NDUFB9: variants seen among roughly 807,000 people sequenced by gnomAD.
NDUFB9 encodes NADH:ubiquinone oxidoreductase subunit B9.
NDUFB9 carries 24 observed loss-of-function variants against 30.2 expected under a neutral mutation model. The observed-to-expected ratio is 0.80, with a 90% confidence interval of 0.58 to 1.12. The LOEUF (loss-of-function observed/expected upper bound fraction) is 1.12. Ranked by LOEUF, NDUFB9 falls within the 50% of genes most tolerant of loss-of-function variation. The probability of loss-of-function intolerance (pLI) is 0.00; values close to 1 mark genes in which losing one functional copy is unlikely to be tolerated. For synonymous variants in NDUFB9, 80 were observed against 84.0 expected, an observed-to-expected ratio of 0.95 and a Z score of 0.26; for missense variants, 204 against 226.0, an observed-to-expected ratio of 0.90 and a Z score of 0.62.
At position 124,539,195 on chromosome 8, in the gene NDUFB9, C is replaced by T. The variant is rs765755463; in HGVS notation, c.9C>T (p.Phe3=). ...GGAAGGTCAGCGCCGTAATGGCGTT[C>T]TTGGCGTCGGGACCCTACCTGACCC... MA[F]LASGPYLTHQ... The change falls in exon 1 of 4, where the codon TTC becomes TTT. Residue 3 remains phenylalanine, a synonymous_variant. Coordinates refer to ENST00000276689, the MANE Select transcript of NDUFB9 (RefSeq NM_005005.3). 14 of 1,614,108 alleles carry T rather than the reference C, an allele frequency of 8.7e-6. No homozygotes were observed. The highest frequency in any genetic ancestry group is 3.3e-5 in the Admixed American group (2 of 60,008).
chr8:124,549,964 A>G lies in NDUFB9; in HGVS notation c.*72A>G. 10 of 1,608,840 alleles carry G rather than the reference A, an allele frequency of 6.2e-6. No individual in the cohort carries two copies. The highest frequency in any genetic ancestry group is 8.5e-6 in the Non-Finnish European group (10 of 1,177,512). On this transcript the variant is annotated 3_prime_UTR_variant, in exon 4 of 4. Coordinates refer to ENST00000276689, the MANE Select transcript of NDUFB9 (RefSeq NM_005005.3). ...AGAACATGCACTTGCCCTAATAAAA[A>G]ATCAGTGAAATGGTCTCTGGTATGA...
intron 3 of NDUFB9, 193 bp downstream of exon 3, chr8:124,547,306 G>A: frequency 1.5e-6 from 1 of 665,098 alleles, no homozygotes; most frequent in Non-Finnish European, 2.7e-6. Context: ...GCATTCCCTG[G>A]TCGTTTTGGC....
At position 124,539,258 on chromosome 8, in the gene NDUFB9, A is replaced by G. The variant is rs765663770; in HGVS notation, c.72A>G (p.Leu24=). Residue 24 remains leucine (L), a synonymous_variant, in exon 1 of 4, where the codon CTA becomes CTG. Coordinates refer to ENST00000276689, the MANE Select transcript of NDUFB9 (RefSeq NM_005005.3). ...TGTTGCGGCTTTATAAGCGGGCGCT[A>G]CGCCACCTCGAGTCGTGGTGCGTCC... ...QKVLRLYKRA[L]RHLESWCVQR... The G allele has an allele frequency of 6.2e-7, 1 of 1,614,168 alleles. No homozygotes were observed. Among genetic ancestry groups the G allele is most frequent in the Non-Finnish European group, 8.5e-7 (1 of 1,180,032 alleles).
At chr8:124,544,372 AAG>A (rs1171784605) in intron 2 of NDUFB9, among the ~76,000 whole-genome samples, 8 of 152,260 alleles carry the variant, frequency 5.3e-5, no homozygotes, top group African/African-American at 1.9e-4. Context: ...AAATCTGGCT[AAG>A]ATAGTTGATG....
At chr8:124,540,196 T>C (rs1563704588) in intron 1 of NDUFB9, among the ~76,000 whole-genome samples, 1 of 152,230 alleles carries the variant, frequency 6.6e-6, no homozygotes, top group African/African-American at 2.4e-5. Flanking sequence ...ACTGACATAC[T>C]TCTCTTGATT....
intron 3 of NDUFB9, among the ~76,000 whole-genome samples, chr8:124,549,051 C>T (rs933440966): frequency 1.3e-5 from 2 of 152,178 alleles, no homozygotes; most frequent in East Asian, 1.9e-4. Context: ...CATGGTGAGC[C>T]GCAGGTGCAT....
intron 3 of NDUFB9, among the ~76,000 whole-genome samples, chr8:124,548,083 A>G (rs1822209924): frequency 6.6e-6 from 1 of 152,204 alleles, no homozygotes; most frequent in Non-Finnish European, 1.5e-5. Flanking sequence ...GGAAGGGGGC[A>G]CAGGTGTCAG....
rs956346428 is a variant in NDUFB9 at position 124,545,347 on chromosome 8, G to A, written c.295-1653G>A. ...ATGCTATAGAAGTGTTTGGTGTAAGGAAGAGTCAGTTGATGTCGCAAACCT... is the reference window on the plus strand; with the variant it reads ...ATGCTATAGAAGTGTTTGGTGTAAGAAAGAGTCAGTTGATGTCGCAAACCT... On this transcript the variant is annotated intron_variant, in intron 2 of 3. Transcript: ENST00000276689. 3.3e-5 allele frequency among the ~76,000 whole-genome samples: 5 copies of A among 152,142 alleles called. 1 individual carries two copies. Among genetic ancestry groups the A allele is most frequent in the Admixed American group, 1.3e-4 (2 of 15,278 alleles).
At chr8:124,548,587 A>G (rs773504935) in intron 3 of NDUFB9, among the ~76,000 whole-genome samples, 58 of 152,190 alleles carry the variant, frequency 3.8e-4, no homozygotes, top group Non-Finnish European at 7.6e-4. Flanking sequence ...ATTTGCTCCC[A>G]TATCTTTTTT....
At chr8:124,549,647 T>C in intron 3 of NDUFB9, 114 bp from the exon 4 acceptor site, 1 of 944,414 alleles carries the variant, frequency 1.1e-6, no homozygotes, top group Non-Finnish European at 1.7e-6. Flanking sequence ...GATCAGATAG[T>C]GTGTAATGTC....
At chr8:124,541,885 A>G (rs1822006095) in intron 1 of NDUFB9, among the ~76,000 whole-genome samples, 1 of 150,578 alleles carries the variant, frequency 6.6e-6, no homozygotes, top group Non-Finnish European at 1.5e-5. Context: ...TACAGGCGTG[A>G]GCCACCGTGC....
chr8:124,548,424 G>A (rs1235558323), intron 3 of NDUFB9, among the ~76,000 whole-genome samples: 1 of 152,180 alleles, frequency 6.6e-6, no homozygotes, highest in Non-Finnish European at 1.5e-5. Flanking sequence ...GAAATAAGAG[G>A]AAAAGCCCAG....
In NDUFB9 at chr8:124,543,117, G is replaced by T; in HGVS notation, c.132G>T (p.Met44Ile). Residue 44 changes from methionine (M) to isoleucine (I), a missense_variant, in exon 2 of 4, where the codon ATG becomes ATT. Met to Ile is a conservative substitution (Grantham distance 10, BLOSUM62 1). Coordinates refer to ENST00000276689, the MANE Select transcript of NDUFB9 (RefSeq NM_005005.3). Reference sequence around the variant, plus strand: ...AATACCGATACTTTGCTTGTTTGATGAGAGCCCGGTTTGAAGAACATAAGA... The same window carrying T: ...AATACCGATACTTTGCTTGTTTGATTAGAGCCCGGTTTGAAGAACATAAGA... ...RDKYRYFACL[M>I]RARFEEHKNE... 1.2e-6 allele frequency: 2 copies of T among 1,614,194 alleles called. No homozygotes were observed. Among genetic ancestry groups the T allele is most frequent in the Non-Finnish European group, 1.7e-6 (2 of 1,180,044 alleles).
Position 124,539,220 on chromosome 8 carries a change from C to A in NDUFB9, c.34C>A (p.His12Asn). The stretch of plus-strand genomic sequence containing the variant: ...CTTGGCGTCGGGACCCTACCTGACC[C>A]ATCAGCAAAAGGTGTTGCGGCTTTA... ...AFLASGPYLT[H>N]QQKVLRLYKR... The change falls in exon 1 of 4, where the codon CAT becomes AAT. Residue 12 changes from histidine to asparagine, a missense_variant. Transcript: ENST00000276689. 4 of 1,614,224 alleles carry A rather than the reference C, an allele frequency of 2.5e-6. No homozygotes were observed. The highest frequency in any genetic ancestry group is 3.4e-6 in the Non-Finnish European group (4 of 1,180,030).
chr8:124,541,446 A>C lies in NDUFB9; in HGVS notation c.102-1641A>C, dbSNP rs528620991. ...ACTGGTTTTTATAAATTCTCTTTCC[A>C]GTATGATATTAGTAACTGACATTAT... On this transcript the variant is annotated intron_variant, in intron 1 of 3. Transcript: ENST00000276689. 5.3e-5 allele frequency among the ~76,000 whole-genome samples: 8 copies of C among 152,300 alleles called. No homozygotes were observed. The South Asian group carries it at 1.7e-3, about 32-fold the overall frequency.
chr8:124,549,952 G>A lies in NDUFB9; in HGVS notation c.*60G>A. The A allele has an allele frequency of 6.2e-7, 1 of 1,611,906 alleles. No homozygotes were observed. Among genetic ancestry groups the A allele is most frequent in the Non-Finnish European group, 8.5e-7 (1 of 1,179,012 alleles). The stretch of plus-strand genomic sequence containing the variant: ...GAAATATGTTACAGAACATGCACTT[G>A]CCCTAATAAAAAATCAGTGAAATGG... On this transcript the variant is annotated 3_prime_UTR_variant, in exon 4 of 4. Transcript: ENST00000276689.
At chr8:124,545,851 T>TC (rs1822144067) in intron 2 of NDUFB9, among the ~76,000 whole-genome samples, 1 of 151,470 alleles carries the variant, frequency 6.6e-6, no homozygotes, top group South Asian at 2.1e-4. Flanking sequence ...TTAAATTATG[T>TC]CTTTTTTTTG....
intron 1 of NDUFB9, among the ~76,000 whole-genome samples, chr8:124,542,672 C>T (rs1183044541): frequency 1.3e-5 from 2 of 152,170 alleles, no homozygotes; most frequent in African/African-American, 4.8e-5. Context: ...CAAGTAACAC[C>T]TTTCTTATTC....
chr8:124,544,774 T>C (rs1314638592), intron 2 of NDUFB9, among the ~76,000 whole-genome samples: 1 of 151,920 alleles, frequency 6.6e-6, no homozygotes, highest in Non-Finnish European at 1.5e-5. Flanking sequence ...AGGAGTAATT[T>C]CCACTTGCAA....
Sources: gnomAD v4.1 joint callset for allele counts (sites outside exome capture counted in the v4.1 genomes callset) on GRCh38, gnomAD v4.1.1 for gene constraint, MANE v1.5 for transcripts, NCBI Gene and HGNC (gene_info 2026-07-23, HGNC 2026-07-21) for gene names.